The following FBN2 variants were observed in gnomAD, a reference collection of about 807,000 sequenced individuals.
FBN2 encodes fibrillin-2.
Under a neutral mutation model 355.6 loss-of-function variants are expected in FBN2, and 105 were observed. That is an observed-to-expected ratio of 0.30 (90% CI 0.25 to 0.35). The LOEUF (loss-of-function observed/expected upper bound fraction) is 0.35, where lower values mean the gene tolerates loss of function less well. Ranked by LOEUF, FBN2 falls within the 10% of genes least tolerant of loss-of-function variation. The probability of loss-of-function intolerance (pLI) is 1.00; values close to 1 mark genes in which losing one functional copy is unlikely to be tolerated. For synonymous variants in FBN2, 1,350 were observed against 1,301.2 expected (o/e 1.04, Z -0.81); for missense variants, 3,280 against 3,758.7 (o/e 0.87, Z 3.33).
At chr5:128,487,130 G>T (rs369643610) in intron 5 of FBN2, among the ~76,000 whole-genome samples, 1 of 152,128 alleles carries the variant, frequency 6.6e-6, no homozygotes, top group Admixed American at 6.6e-5. Context: ...TGAAAACACA[G>T]AAGTGTCACT....
intron 1 of FBN2, 150 bp downstream of exon 1, chr5:128,537,200 T>TGG (rs55694313): frequency 7.3e-7 from 1 of 1,364,528 alleles, no homozygotes; most frequent in African/African-American, 1.5e-5. Context: ...GACGCGCTCC[T>TGG]GGGGGTCTTT....
chr5:128,274,201 A>G (rs1300114917), intron 60 of FBN2, among the ~76,000 whole-genome samples: 1 of 152,216 alleles, frequency 6.6e-6, no homozygotes, highest in African/African-American at 2.4e-5. Context: ...AGGCACACTG[A>G]CTAAAGTTCC....
chr5:128,270,721 A>G (rs551415628), intron 62 of FBN2, among the ~76,000 whole-genome samples: 129 of 152,330 alleles, frequency 8.5e-4, no homozygotes, highest in African/African-American at 3.0e-3. Context: ...GGCAACCTAC[A>G]GAATGTTTTA....
At chr5:128,385,554 A>G (rs111638661) in intron 11 of FBN2, among the ~76,000 whole-genome samples, 1,897 of 152,214 alleles carry the variant, frequency 0.012, 45 homozygotes, top group African/African-American at 0.043. Flanking sequence ...AACATTTTAT[A>G]TTCCTTTGGG....
chr5:128,307,628 G>C (rs796220072), intron 41 of FBN2, among the ~76,000 whole-genome samples: 6 of 149,326 alleles, frequency 4.0e-5, no homozygotes, highest in African/African-American at 1.5e-4. Flanking sequence ...GTTGTAGAGG[G>C]GAAATAGGTA....
chr5:128,371,031 T>C (rs1431754723), intron 15 of FBN2: 3 of 152,162 alleles, frequency 2.0e-5, no homozygotes, highest in Admixed American at 6.5e-5. Context: ...CTAAGCACAC[T>C]GCCTAGGACA....
intron 62 of FBN2, among the ~76,000 whole-genome samples, chr5:128,271,628 C>T (rs1168338844): frequency 1.3e-5 from 2 of 152,026 alleles, no homozygotes; most frequent in Admixed American, 6.6e-5. Context: ...CCTTTAGATT[C>T]GTATGAGGGG....
chr5:128,395,101 GAC>G lies in FBN2; in HGVS notation c.1231+19_1231+20del. On this transcript the variant is annotated intron_variant, in intron 9 of 64. Coordinates refer to ENST00000262464, the MANE Select transcript of FBN2 (RefSeq NM_001999.4). ...TTCCTAACAGTGTCTGTGCTGAGGA[GAC>G]TAACAGCCAGCCACGTACCAGAACC... 1 of 1,613,732 alleles carries G rather than the reference GAC, an allele frequency of 6.2e-7. No individual in the cohort carries two copies. Among genetic ancestry groups the G allele is most frequent in the East Asian group, 2.2e-5 (1 of 44,850 alleles).
At chr5:128,271,878 TG>T in intron 62 of FBN2, 120 bp downstream of exon 62, 1 of 1,136,682 alleles carries the variant, frequency 8.8e-7, no homozygotes, top group Non-Finnish European at 1.3e-6. Context: ...TCTTAAGGAC[TG>T]GGTTTAAAGT....
intron 48 of FBN2, among the ~76,000 whole-genome samples, chr5:128,293,997 C>G (rs1749418364): frequency 1.3e-5 from 2 of 151,782 alleles, no homozygotes; most frequent in African/African-American, 4.8e-5. Context: ...CTCCCCCGAC[C>G]CCACCACAGT....
intron 55 of FBN2, among the ~76,000 whole-genome samples, chr5:128,281,942 G>A (rs1409959393): frequency 6.6e-6 from 1 of 151,920 alleles, no homozygotes; most frequent in Non-Finnish European, 1.5e-5. Flanking sequence ...CGCCTGCCTC[G>A]GCCTCCCAAA....
intron 6 of FBN2, 117 bp from the exon 7 acceptor site, chr5:128,446,723 A>C: frequency 9.1e-7 from 1 of 1,092,914 alleles, no homozygotes; most frequent in African/African-American, 1.6e-5. Flanking sequence ...TTTTCTCAAG[A>C]GAGTGGGGTT....
At chr5:128,342,257 A>T (rs554841808) in intron 25 of FBN2, among the ~76,000 whole-genome samples, 1 of 152,256 alleles carries the variant, frequency 6.6e-6, no homozygotes, top group African/African-American at 2.4e-5. Context: ...GAGAAGAAAC[A>T]TCATCTGCAT....
chr5:128,291,814 A>G (rs558097297), intron 48 of FBN2, among the ~76,000 whole-genome samples, 160 bp from the exon 49 acceptor site: 1 of 152,330 alleles, frequency 6.6e-6, no homozygotes, highest in East Asian at 1.9e-4. Context: ...TTCAGAAGTC[A>G]AAAGTTGTAA....
intron 53 of FBN2, among the ~76,000 whole-genome samples, chr5:128,287,845 AG>A (rs1749200308): frequency 6.6e-6 from 1 of 152,168 alleles, no homozygotes; most frequent in South Asian, 2.1e-4. Flanking sequence ...AGTCTGCTAA[AG>A]AAAGGGAACC....
intron 5 of FBN2, among the ~76,000 whole-genome samples, chr5:128,480,045 C>CACAT (rs1755134519): frequency 7.8e-6 from 1 of 128,538 alleles, no homozygotes; most frequent in African/African-American, 2.8e-5. Context: ...CACACACACA[C>CACAT]ATATTCTATG....
rs3830367 is a variant in FBN2 at position 128,286,917 on chromosome 5, G to GT, written c.6881-69dup. ...GTAGTTTAGTACTTTTAAGTCACAG[G>GT]TGTGGTCTTCTGACACTTAACATGT... On this transcript the variant is annotated intron_variant, in intron 54 of 64. Coordinates refer to ENST00000262464, the MANE Select transcript of FBN2 (RefSeq NM_001999.4). 110,282 of 1,475,008 alleles carry GT rather than the reference G, an allele frequency of 0.075. 11,748 individuals are homozygous for GT. Among genetic ancestry groups the GT allele is most frequent in the East Asian group, 0.6 (25,163 of 42,134 alleles). The allele number at this position is 1,475,008 out of a possible 1,614,324, so 91.4% of individuals were successfully genotyped here.
rs367620361 is a variant in FBN2, at chr5:128,305,548, G to A, written c.5637C>T (p.Ala1879=). 52 of 1,613,842 alleles carry A rather than the reference G, an allele frequency of 3.2e-5. 1 individual carries two copies. The South Asian group carries it at 4.5e-4, about 14-fold the overall frequency. ...NSPGSYRCEC[A]AGFKLSPNGA... ...CATTGGGTGAAAGTTTGAAACCCGC[G>A]GCACATTCACAGCGGTAACTACCAG... The change falls in exon 44 of 65, where the codon GCC becomes GCT. Residue 1879 remains alanine, a synonymous_variant. Transcript: ENST00000262464.
At chr5:128,310,775 G>C (rs1486936484) in intron 39 of FBN2, among the ~76,000 whole-genome samples, 2 of 152,090 alleles carry the variant, frequency 1.3e-5, no homozygotes, top group African/African-American at 4.8e-5. Flanking sequence ...CTGTAATGAT[G>C]AGTAAGATGT....
Sources: allele counts gnomAD v4.1 joint callset (sites outside exome capture counted in the v4.1 genomes callset), GRCh38; gene constraint gnomAD v4.1.1; transcripts MANE v1.5; gene names NCBI Gene and HGNC (gene_info 2026-07-23, HGNC 2026-07-21).